Variants in TSPAN9 observed in about 807,000 individuals in gnomAD.
The protein encoded by TSPAN9 is tetraspanin 9.
Under a neutral mutation model 31.0 loss-of-function variants are expected in TSPAN9, and 16 were observed. The ratio of observed to expected loss-of-function variants is 0.52; its 90% CI spans 0.35 to 0.78. TSPAN9 has a LOEUF of 0.78. TSPAN9 is among the 30% of genes least tolerant of loss of function. The pLI, the probability that TSPAN9 is intolerant of heterozygous loss-of-function variation, is 0.01. For missense variants in TSPAN9, 272 were observed against 312.5 expected, an observed-to-expected ratio of 0.87 and a Z score of 0.98; for synonymous variants, 145 against 121.6, an observed-to-expected ratio of 1.19 and a Z score of -1.27.
At chr12:3,255,580 G>T (rs1862330329) in intron 3 of TSPAN9, among the ~76,000 whole-genome samples, 2 of 152,220 alleles carry the variant, frequency 1.3e-5, no homozygotes, top group Admixed American at 1.3e-4. Flanking sequence ...CGGCACGGGG[G>T]CCTGTGTCAA....
In TSPAN9 at chr12:3,211,526, A is replaced by T; in HGVS notation, c.63+10270A>T. ...AATCAGTCAGCCAGCCTCTTCCCCC[A>T]AACCCTTTTGATATTTTGGTTGACC... On this transcript the variant is annotated intron_variant, in intron 3 of 8. Coordinates refer to ENST00000011898, the MANE Select transcript of TSPAN9 (RefSeq NM_006675.5). The T allele has an allele frequency of 5.6e-6, 4 of 708,324 alleles. No individual in the cohort carries two copies. The East Asian group carries it at 1.1e-4, about 19-fold the overall frequency. 43.9% of individuals were successfully genotyped at this position (708,324 alleles called of 1,614,324 possible).
intron 2 of TSPAN9, among the ~76,000 whole-genome samples, chr12:3,113,876 C>T (rs1370816156): frequency 1.3e-5 from 2 of 152,240 alleles, no homozygotes; most frequent in African/African-American, 4.8e-5. Context: ...TCTGCAGGGA[C>T]GCTGTCTTTG....
intron 2 of TSPAN9, among the ~76,000 whole-genome samples, chr12:3,185,055 G>C (rs151034792): frequency 7.2e-5 from 11 of 152,286 alleles, no homozygotes; most frequent in Non-Finnish European, 1.5e-4. Flanking sequence ...TAATAACGAG[G>C]CTCATGATAA....
rs72307230 is a variant in TSPAN9 at position 3,118,256 on chromosome 12, G to GTTTTTTTTTTTT, written c.-18+34550_-18+34561dup. Among the ~76,000 whole-genome samples the GTTTTTTTTTTTT allele has an allele frequency of 8.3e-3, 261 of 31,546 alleles. 77 individuals are homozygous for GTTTTTTTTTTTT. Among genetic ancestry groups the GTTTTTTTTTTTT allele is most frequent in the African/African-American group, 0.01 (119 of 11,430 alleles). 20.7% of individuals were successfully genotyped at this position (31,546 alleles called of 152,430 possible). A position where few individuals can be genotyped will look rare whatever the true frequency, so the allele number is the denominator to read the frequency against. On this transcript the variant is annotated intron_variant, in intron 2 of 8. Transcript: ENST00000011898. The stretch of plus-strand genomic sequence containing the variant: ...ATTCCGCACCGCCCCTGCACCCGCC[G>GTTTTTTTTTTTT]TTTTTTTTTTTTTTTTTTTTTTTTG...
chr12:3,206,214 T>C, intron 3 of TSPAN9: 1 of 429,322 alleles, frequency 2.3e-6, no homozygotes, highest in South Asian at 1.6e-5. Context: ...ATCAGGGTGC[T>C]GGGGTCCCAG....
At chr12:3,276,707 C>G (rs1158331012) in intron 3 of TSPAN9, among the ~76,000 whole-genome samples, 1 of 152,204 alleles carries the variant, frequency 6.6e-6, no homozygotes, top group East Asian at 1.9e-4. Context: ...TTGTTGCTTA[C>G]ATAAGGTCAG....
At chr12:3,240,233 CA>C (rs2153977070) in intron 3 of TSPAN9, among the ~76,000 whole-genome samples, 1 of 152,248 alleles carries the variant, frequency 6.6e-6, no homozygotes, top group African/African-American at 2.4e-5. Flanking sequence ...GCTACTTTTC[CA>C]GCTCCTTGAG....
intron 2 of TSPAN9, among the ~76,000 whole-genome samples, chr12:3,176,816 G>A (rs528338924): frequency 1.2e-4 from 18 of 152,186 alleles, no homozygotes; most frequent in Non-Finnish European, 2.4e-4. Flanking sequence ...GCCCTCCTGA[G>A]TTGCCTGGTC....
intron 3 of TSPAN9, among the ~76,000 whole-genome samples, chr12:3,210,265 T>C (rs966827282): frequency 4.6e-5 from 7 of 152,024 alleles, no homozygotes; most frequent in Admixed American, 2.0e-4. Context: ...CTGCCACCTT[T>C]CCTAGATAAT....
chr12:3,175,617 C>T (rs1395094694), intron 2 of TSPAN9, among the ~76,000 whole-genome samples: 1 of 26,480 alleles, frequency 3.8e-5, no homozygotes, highest in Admixed American at 5.1e-4. Flanking sequence ...TGTCTGGAGG[C>T]CTCTAAGTGA....
intron 2 of TSPAN9, among the ~76,000 whole-genome samples, chr12:3,116,328 T>C (rs1031636540): frequency 6.6e-6 from 1 of 152,194 alleles, no homozygotes; most frequent in Non-Finnish European, 1.5e-5. Context: ...GCGAATCCTC[T>C]CTGAGTCACA....
At chr12:3,126,448 G>A (rs1469960685) in intron 2 of TSPAN9, among the ~76,000 whole-genome samples, 2 of 152,216 alleles carry the variant, frequency 1.3e-5, no homozygotes, top group Non-Finnish European at 2.9e-5. Flanking sequence ...GAGTGTTTGT[G>A]TGTCTATACG....
At chr12:3,220,674 T>C (rs1196711087) in intron 3 of TSPAN9, among the ~76,000 whole-genome samples, 1 of 152,140 alleles carries the variant, frequency 6.6e-6, no homozygotes, top group Non-Finnish European at 1.5e-5. Flanking sequence ...CCTGCTGCCC[T>C]GGCCTGTGGG....
intron 3 of TSPAN9, among the ~76,000 whole-genome samples, chr12:3,237,877 G>A (rs2098394626): frequency 6.6e-6 from 1 of 152,104 alleles, no homozygotes; most frequent in African/African-American, 2.4e-5. Flanking sequence ...TCATTTCCCT[G>A]GTGTGAATTT....
At chr12:3,198,160 CCACCACCAGCACAGCT>C (rs1591671611) in intron 2 of TSPAN9, among the ~76,000 whole-genome samples, 7 of 26,292 alleles carry the variant, frequency 2.7e-4, no homozygotes, top group African/African-American at 3.7e-4. Flanking sequence ...CCAGCACAGG[CCACCACCAGCACAGCT>C]CACCACCAGC....
intron 2 of TSPAN9, among the ~76,000 whole-genome samples, chr12:3,142,154 G>T (rs549878757): frequency 1.3e-5 from 2 of 152,256 alleles, no homozygotes; most frequent in South Asian, 2.1e-4. Context: ...GATTGTCACC[G>T]CTCTGCCTGA....
chr12:3,093,326 G>A (rs982673156), intron 2 of TSPAN9, among the ~76,000 whole-genome samples: 12 of 152,310 alleles, frequency 7.9e-5, no homozygotes, highest in South Asian at 2.1e-4. Context: ...GGGATCTTGA[G>A]TGTGAGCCCC....
chr12:3,135,569 G>A (rs1244957542), intron 2 of TSPAN9, among the ~76,000 whole-genome samples: 1 of 152,178 alleles, frequency 6.6e-6, no homozygotes, highest in Non-Finnish European at 1.5e-5. Context: ...AGGCCTGCAG[G>A]GTTGAGGGGC....
chr12:3,220,936 G>A (rs1359062122), intron 3 of TSPAN9, among the ~76,000 whole-genome samples: 3 of 152,180 alleles, frequency 2.0e-5, no homozygotes, highest in African/African-American at 4.8e-5. Flanking sequence ...TCCTTCATCC[G>A]TTGCTCTTTT....
Sources: allele counts gnomAD v4.1 joint callset (sites outside exome capture counted in the v4.1 genomes callset), GRCh38; gene constraint gnomAD v4.1.1; transcripts MANE v1.5; gene names NCBI Gene and HGNC (gene_info 2026-07-23, HGNC 2026-07-21).